Variants in HS6ST3 observed in about 807,000 individuals in gnomAD.
The protein encoded by HS6ST3 is heparan sulfate 6-O-sulfotransferase 3, also known as heparan-sulfate 6-O-sulfotransferase 3.
HS6ST3 carries 12 observed loss-of-function variants against 36.7 expected under a neutral mutation model. The ratio of observed to expected loss-of-function variants is 0.33; its 90% CI spans 0.21 to 0.53. The LOEUF (loss-of-function observed/expected upper bound fraction) is 0.53. HS6ST3 is among the 20% of genes least tolerant of loss of function. HS6ST3 has a pLI of 0.95. For missense variants in HS6ST3, 584 were observed against 640.9 expected, an observed-to-expected ratio of 0.91 and a Z score of 0.96; for synonymous variants, 240 against 257.5, an observed-to-expected ratio of 0.93 and a Z score of 0.65.
At chr13:96,764,744 T>C (rs990008862) in intron 1 of HS6ST3, among the ~76,000 whole-genome samples, 1 of 152,212 alleles carries the variant, frequency 6.6e-6, no homozygotes, top group Non-Finnish European at 1.5e-5. Context: ...TGTGCCACTT[T>C]GGCTCTTTCT....
At chr13:96,152,316 C>CTT (rs766489670) in intron 1 of HS6ST3, among the ~76,000 whole-genome samples, 6 of 97,052 alleles carry the variant, frequency 6.2e-5, no homozygotes, top group African/African-American at 2.3e-4. Context: ...GGCCCCTTTC[C>CTT]TTTTTTTTTT....
At position 96,090,903 on chromosome 13, in the gene HS6ST3, T is replaced by C. The variant is rs2139288934; in HGVS notation, c.41T>C (p.Leu14Pro). 1.3e-6 allele frequency: 2 copies of C among 1,512,880 alleles called. No individual in the cohort carries two copies. Among genetic ancestry groups the C allele is most frequent in the Non-Finnish European group, 8.9e-7 (1 of 1,125,860 alleles). 93.7% of individuals were successfully genotyped at this position (1,512,880 alleles called of 1,614,324 possible). ...RFNKWLLTPVLTLLFVVIMYQ... is the reference protein window; with the variant it reads ...RFNKWLLTPVPTLLFVVIMYQ... ...AACAAGTGGCTGCTGACGCCGGTGC[T>C]CACTCTCCTCTTCGTGGTCATCATG... The change falls in exon 1 of 2, where the codon CTC becomes CCC. Residue 14 changes from leucine to proline, a missense_variant. Transcript: ENST00000376705.
At chr13:96,719,297 A>G (rs1380376872) in intron 1 of HS6ST3, among the ~76,000 whole-genome samples, 11 of 151,664 alleles carry the variant, frequency 7.3e-5, no homozygotes, top group African/African-American at 2.4e-4. Flanking sequence ...CCAAAAAAAG[A>G]ATTTCCTACT....
At chr13:96,563,607 G>A (rs955256025) in intron 1 of HS6ST3, among the ~76,000 whole-genome samples, 6 of 152,140 alleles carry the variant, frequency 3.9e-5, no homozygotes, top group Non-Finnish European at 8.8e-5. Flanking sequence ...GAAAGAAAAG[G>A]CTGGTCACAG....
intron 1 of HS6ST3, among the ~76,000 whole-genome samples, chr13:96,146,188 T>G (rs489239): frequency 0.84 from 128,159 of 152,138 alleles, 54,181 homozygotes; most frequent in East Asian, 0.91. Context: ...CCAATTCTGT[T>G]AAGAAAGTCA....
intron 1 of HS6ST3, among the ~76,000 whole-genome samples, chr13:96,545,599 G>C (rs1049217306): frequency 6.6e-6 from 1 of 152,170 alleles, no homozygotes; most frequent in Non-Finnish European, 1.5e-5. Flanking sequence ...CTTCAGAAGA[G>C]AGAACCAAAT....
intron 1 of HS6ST3, among the ~76,000 whole-genome samples, chr13:96,634,995 A>G (rs971670097): frequency 6.6e-6 from 1 of 152,042 alleles, no homozygotes; most frequent in Non-Finnish European, 1.5e-5. Flanking sequence ...ACCAAGGACA[A>G]TGTCATTCCC....
intron 1 of HS6ST3, among the ~76,000 whole-genome samples, chr13:96,567,345 A>G (rs1196003391): frequency 6.6e-6 from 1 of 152,176 alleles, no homozygotes; most frequent in African/African-American, 2.4e-5. Flanking sequence ...ATGAGTTACC[A>G]GAGAGGGGGT....
chr13:96,219,207 T>G (rs2054442576), intron 1 of HS6ST3, among the ~76,000 whole-genome samples: 1 of 152,210 alleles, frequency 6.6e-6, no homozygotes, highest in Admixed American at 6.5e-5. Context: ...AATTTTAAAT[T>G]AATAAGAATT....
chr13:96,152,499 G>C (rs1359601847), intron 1 of HS6ST3, among the ~76,000 whole-genome samples: 1 of 151,710 alleles, frequency 6.6e-6, no homozygotes, highest in Non-Finnish European at 1.5e-5. Context: ...CACCACGCCC[G>C]GCTAATTTTT....
chr13:96,450,938 T>C (rs2055724806), intron 1 of HS6ST3, among the ~76,000 whole-genome samples: 2 of 152,126 alleles, frequency 1.3e-5, no homozygotes, highest in Non-Finnish European at 2.9e-5. Flanking sequence ...CAAACCCCTA[T>C]GTGAAGGCCT....
At chr13:96,621,076 A>G (rs551470420) in intron 1 of HS6ST3, among the ~76,000 whole-genome samples, 1 of 152,276 alleles carries the variant, frequency 6.6e-6, no homozygotes, top group South Asian at 2.1e-4. Flanking sequence ...GCCTGCATTG[A>G]ACAAGGATCT....
intron 1 of HS6ST3, among the ~76,000 whole-genome samples, chr13:96,328,348 A>G (rs994327906): frequency 2.6e-5 from 4 of 151,350 alleles, no homozygotes; most frequent in South Asian, 2.1e-4. Context: ...ATTTTGAAAT[A>G]CGTCCCATCA....
intron 1 of HS6ST3, among the ~76,000 whole-genome samples, chr13:96,525,254 TG>T (rs2056109212): frequency 6.6e-6 from 1 of 152,174 alleles, no homozygotes. Context: ...TAAAAATAGA[TG>T]GGGGTGGTTA....
chr13:96,185,766 A>G (rs2054262090), intron 1 of HS6ST3, among the ~76,000 whole-genome samples: 1 of 152,202 alleles, frequency 6.6e-6, no homozygotes, highest in Non-Finnish European at 1.5e-5. Flanking sequence ...TTAGAGAGAG[A>G]GAAAATAAAG....
chr13:96,679,975 G>T (rs1430859102), intron 1 of HS6ST3, among the ~76,000 whole-genome samples: 1 of 152,076 alleles, frequency 6.6e-6, no homozygotes, highest in African/African-American at 2.4e-5. Flanking sequence ...AAAAGCAGAG[G>T]TGGTAGCAAC....
At chr13:96,296,651 A>G (rs1455134584) in intron 1 of HS6ST3, among the ~76,000 whole-genome samples, 1 of 152,154 alleles carries the variant, frequency 6.6e-6, no homozygotes, top group Admixed American at 6.6e-5. Flanking sequence ...ATGACTTTAA[A>G]TGGATGAGAT....
chr13:96,389,401 A>G (rs1254713792), intron 1 of HS6ST3, among the ~76,000 whole-genome samples: 2 of 152,190 alleles, frequency 1.3e-5, no homozygotes, highest in African/African-American at 4.8e-5. Flanking sequence ...TTAAAAAATA[A>G]AAAAACCTCA....
intron 1 of HS6ST3, among the ~76,000 whole-genome samples, chr13:96,581,443 C>T (rs1312584595): frequency 4.6e-5 from 7 of 151,952 alleles, no homozygotes; most frequent in Non-Finnish European, 8.8e-5. Context: ...AGGTTGGTCT[C>T]GATCTCCTGA....
Sources: gnomAD v4.1 joint callset for allele counts (sites outside exome capture counted in the v4.1 genomes callset) on GRCh38, gnomAD v4.1.1 for gene constraint, MANE v1.5 for transcripts, NCBI Gene and HGNC (gene_info 2026-07-23, HGNC 2026-07-21) for gene names.